Variants in LARGE1 observed in about 807,000 individuals in gnomAD.
The protein encoded by LARGE1 is xylosyl- and glucuronyltransferase LARGE1.
Under a neutral mutation model 87.6 loss-of-function variants are expected in LARGE1, and 43 were observed. The ratio of observed to expected loss-of-function variants is 0.49; its 90% CI spans 0.38 to 0.63. The LOEUF (loss-of-function observed/expected upper bound fraction) is 0.63. LARGE1 is among the 30% of genes least tolerant of loss of function. The pLI is 0.00. For synonymous variants in LARGE1, 434 were observed against 394.6 expected (o/e 1.10, Z -1.18); for missense variants, 802 against 1,000.2 (o/e 0.80, Z 2.67).
At chr22:33,606,837 C>T (rs1161317327) in intron 4 of LARGE1, among the ~76,000 whole-genome samples, 1 of 152,118 alleles carries the variant, frequency 6.6e-6, no homozygotes, top group Non-Finnish European at 1.5e-5. Context: ...CTTAGGACCG[C>T]CATCATTTGC....
At chr22:33,444,129 T>C (rs2067597851) in intron 6 of LARGE1, among the ~76,000 whole-genome samples, 1 of 152,266 alleles carries the variant, frequency 6.6e-6, no homozygotes, top group African/African-American at 2.4e-5. Flanking sequence ...CTGTGTAGGA[T>C]AAGGCCAACA....
the LARGE1 span, among the ~76,000 whole-genome samples, chr22:33,126,762 C>T: frequency 0.018 from 2,690 of 152,354 alleles, 85 homozygotes; most frequent in African/African-American, 0.062. Flanking sequence ...TTGATGCACA[C>T]TTCATGGAAG....
intron 1 of LARGE1, among the ~76,000 whole-genome samples, chr22:33,900,665 C>T (rs939664797): frequency 1.3e-5 from 2 of 152,200 alleles, no homozygotes; most frequent in African/African-American, 4.8e-5. Flanking sequence ...TTGTGACCTT[C>T]ATTGGAAATA....
intron 1 of LARGE1, among the ~76,000 whole-genome samples, chr22:33,792,704 A>G (rs1385068250): frequency 6.6e-6 from 1 of 152,166 alleles, no homozygotes; most frequent in Non-Finnish European, 1.5e-5. Flanking sequence ...AGAAGCAAAA[A>G]AACACAAGTT....
At chr22:33,494,137 C>T (rs2069988483) in intron 6 of LARGE1, among the ~76,000 whole-genome samples, 1 of 152,238 alleles carries the variant, frequency 6.6e-6, no homozygotes, top group Middle Eastern at 3.2e-3. Flanking sequence ...TGATGCTCAA[C>T]AGCTGTATAA....
At chr22:33,457,263 G>A (rs1251806417) in intron 6 of LARGE1, among the ~76,000 whole-genome samples, 5 of 148,398 alleles carry the variant, frequency 3.4e-5, no homozygotes, top group Admixed American at 3.4e-4. Context: ...AAGTAGCTGG[G>A]CTTACAGGTG....
At chr22:33,812,918 T>C (rs1239773473) in intron 1 of LARGE1, among the ~76,000 whole-genome samples, 1 of 152,266 alleles carries the variant, frequency 6.6e-6, no homozygotes, top group South Asian at 2.1e-4. Context: ...AAAAGACAAA[T>C]AAAACAGAGA....
chr22:33,604,456 GAAGTCCAC>G lies in LARGE1; in HGVS notation c.586_593del (p.Val196LeufsTer9). The G allele has an allele frequency of 6.2e-7, 1 of 1,614,118 alleles. No homozygotes were observed. Among genetic ancestry groups the G allele is most frequent in the South Asian group, 1.1e-5 (1 of 91,088 alleles). ...ATACCTTGAGCTCGTCTGCATTGTAGAAGTCCACACGCACAGCGGGCACCATCCAGGTC... is the reference window on the plus strand; with the variant it reads ...ATACCTTGAGCTCGTCTGCATTGTAGACGCACAGCGGGCACCATCCAGGTC... On this transcript the variant is annotated frameshift_variant, in exon 5 of 15. Coordinates refer to ENST00000397394, the MANE Select transcript of LARGE1 (RefSeq NM_133642.5). LOFTEE classifies it high-confidence loss of function.
intron 4 of LARGE1, among the ~76,000 whole-genome samples, chr22:33,620,282 T>C (rs2079707022): frequency 6.6e-6 from 1 of 152,160 alleles, no homozygotes; most frequent in Non-Finnish European, 1.5e-5. Flanking sequence ...AGCAAACAAA[T>C]ATTAAATTTT....
Position 33,428,943 on chromosome 22 carries a change from C to CAA in LARGE1, c.892+3216_892+3217dup, listed in dbSNP as rs375368162. Among the ~76,000 whole-genome samples the CAA allele has an allele frequency of 1.0e-4, 8 of 76,978 alleles. No homozygotes were observed. The East Asian group carries it at 2.3e-3, about 22-fold the overall frequency. The allele number at this position is 76,978 out of a possible 152,430, so 50.5% of individuals were successfully genotyped here. A position where few individuals can be genotyped will look rare whatever the true frequency, so the allele number is the denominator to read the frequency against. ...AGACTCTGTCTCAAAAAAAAAGAAA[C>CAA]AAAAAAAAAAAAAAAAAAGGAGAGA... On this transcript the variant is annotated intron_variant, in intron 7 of 14. Coordinates refer to ENST00000397394, the MANE Select transcript of LARGE1 (RefSeq NM_133642.5).
chr22:33,271,411 G>C (rs114645194), downstream of LARGE1, among the ~76,000 whole-genome samples: 161 of 152,288 alleles, frequency 1.1e-3, no homozygotes, highest in African/African-American at 3.7e-3. Flanking sequence ...TATCCACTTT[G>C]CAGTTTTGCT....
chr22:33,913,072 T>TC (rs964154602), intron 1 of LARGE1, among the ~76,000 whole-genome samples: 5 of 151,372 alleles, frequency 3.3e-5, no homozygotes, highest in African/African-American at 1.2e-4. Context: ...CCTCAGGTGA[T>TC]CCCCCCACCT....
chr22:33,243,720 AT>A (rs1379781829), intron 11 of LARGE1, among the ~76,000 whole-genome samples: 1 of 152,116 alleles, frequency 6.6e-6, no homozygotes, highest in Non-Finnish European at 1.5e-5. Flanking sequence ...ATGTGCTAAT[AT>A]TTTTTTGTGG....
chr22:33,761,787 C>G (rs1019123817), intron 1 of LARGE1, among the ~76,000 whole-genome samples: 1 of 152,100 alleles, frequency 6.6e-6, no homozygotes, highest in Non-Finnish European at 1.5e-5. Context: ...CACACACACA[C>G]AAACACGCAC....
intron 1 of LARGE1, among the ~76,000 whole-genome samples, chr22:33,896,906 T>TC (rs2065160053): frequency 6.6e-6 from 1 of 152,020 alleles, no homozygotes; most frequent in African/African-American, 2.4e-5. Context: ...CACAGAACCT[T>TC]CCCCGCCGAC....
intron 6 of LARGE1, among the ~76,000 whole-genome samples, chr22:33,491,388 C>T (rs2069834363): frequency 6.6e-6 from 1 of 152,064 alleles, no homozygotes; most frequent in Admixed American, 6.5e-5. Flanking sequence ...GTCATTATAC[C>T]CACATGCATG....
chr22:33,836,106 T>C (rs2063101624), intron 1 of LARGE1, among the ~76,000 whole-genome samples: 2 of 152,158 alleles, frequency 1.3e-5, no homozygotes, highest in African/African-American at 4.8e-5. Context: ...CCAGGAAAGG[T>C]TGACAGTGAC....
chr22:33,163,446 A>G (rs1439434743), exon 12 of LARGE1: 2 of 152,262 alleles, frequency 1.3e-5, no homozygotes, highest in Admixed American at 6.5e-5. Flanking sequence ...CTCCAAAATA[A>G]TTGAAAGCTA....
intron 2 of LARGE1, among the ~76,000 whole-genome samples, chr22:33,751,455 A>G (rs2084311934): frequency 6.6e-6 from 1 of 151,674 alleles, no homozygotes; most frequent in Non-Finnish European, 1.5e-5. Flanking sequence ...ACTGCGCTCC[A>G]GCCTGGGAGA....
Sources: allele counts gnomAD v4.1 joint callset (sites outside exome capture counted in the v4.1 genomes callset), GRCh38; gene constraint gnomAD v4.1.1; transcripts MANE v1.5; gene names NCBI Gene and HGNC (gene_info 2026-07-23, HGNC 2026-07-21).